Variants in SLC22A25 observed in about 807,000 individuals in gnomAD.
SLC22A25 encodes the protein MGI:2442751, MGI:2385316, MGI:3042283, MGI:3645714, MGI:3605624, MGI:2442750.
Under a neutral mutation model 45.9 loss-of-function variants are expected in SLC22A25, and 44 were observed. That is an observed-to-expected ratio of 0.96 (90% CI 0.75 to 1.23). SLC22A25 has a LOEUF of 1.23. Ranked by LOEUF, SLC22A25 falls within the 50% of genes most tolerant of loss-of-function variation. The pLI is 0.00. For missense variants in SLC22A25, 800 were observed against 666.4 expected (o/e 1.20, Z -2.21); for synonymous variants, 283 against 238.6 (o/e 1.19, Z -1.72).
intron 1 of SLC22A25, among the ~76,000 whole-genome samples, chr11:63,240,827 AG>A (rs2134866475): frequency 6.6e-6 from 1 of 152,314 alleles, no homozygotes; most frequent in Non-Finnish European, 1.5e-5. Flanking sequence ...TGTGAGAGCA[AG>A]GCCTGTCTGT....
At chr11:63,175,840 C>T (rs554588045) in intron 9 of SLC22A25, among the ~76,000 whole-genome samples, 2,519 of 151,148 alleles carry the variant, frequency 0.017, 68 homozygotes, top group African/African-American at 0.046. Flanking sequence ...TATATATATA[C>T]ACATTTTAAT....
At chr11:63,191,948 C>T (rs1443578049) in intron 7 of SLC22A25, among the ~76,000 whole-genome samples, 8 of 151,438 alleles carry the variant, frequency 5.3e-5, no homozygotes, top group African/African-American at 2.0e-4. Context: ...GAGAGGCAAA[C>T]ATTCAAATTC....
intron 9 of SLC22A25, 51 bp downstream of exon 9, chr11:63,180,609 G>C (rs2088282046): frequency 3.9e-6 from 5 of 1,274,836 alleles, no homozygotes; most frequent in Non-Finnish European, 4.4e-6. Context: ...ATAAGAAATG[G>C]ATTTATGTCT....
chr11:63,199,681 C>T (rs899187878), intron 7 of SLC22A25, among the ~76,000 whole-genome samples: 3 of 151,810 alleles, frequency 2.0e-5, no homozygotes, highest in Non-Finnish European at 2.9e-5. Flanking sequence ...GGTCATAAGT[C>T]AAATATGTAA....
intron 7 of SLC22A25, among the ~76,000 whole-genome samples, chr11:63,199,192 TAAAC>T (rs1206995688): frequency 6.6e-6 from 1 of 151,784 alleles, no homozygotes; most frequent in Non-Finnish European, 1.5e-5. Context: ...AAGACTCAAA[TAAAC>T]AAAATCAGAA....
Position 63,229,467 on chromosome 11 carries a change from A to C in SLC22A25, c.186T>G (p.Asn62Lys). Residue 62 changes from asparagine to lysine, a missense_variant, in exon 4 of 12, where the codon AAT becomes AAG. Coordinates refer to ENST00000306494, the MANE Select transcript of SLC22A25 (RefSeq NM_199352.6). ...HILDNDTIPDNDPGTLSQDAL... is the reference protein window; with the variant it reads ...HILDNDTIPDKDPGTLSQDAL... ...CATCCTGGCTGAGGGTCCCAGGGTC[A>C]TTGTCAGGGATAGTGTCATTGTCCA... The C allele has an allele frequency of 1.9e-6, 3 of 1,614,130 alleles. No individual in the cohort carries two copies.
chr11:63,236,635 GCTGCACCCACTGTC>G (rs558719722), intron 3 of SLC22A25, among the ~76,000 whole-genome samples: 146 of 152,156 alleles, frequency 9.6e-4, no homozygotes, highest in South Asian at 7.3e-3. Flanking sequence ...TGCACGGTGT[GCTGCACCCACTGTC>G]CTGCACCCAC....
chr11:63,217,972 T>G (rs2089761183), intron 5 of SLC22A25: 1 of 633,806 alleles, frequency 1.6e-6, no homozygotes, highest in African/African-American at 1.8e-5. Flanking sequence ...AGTAGATCAT[T>G]GATACAAATT....
intron 7 of SLC22A25, among the ~76,000 whole-genome samples, chr11:63,195,660 C>T (rs1240961311): frequency 1.3e-5 from 2 of 151,990 alleles, no homozygotes; most frequent in African/African-American, 4.8e-5. Flanking sequence ...CAGGAAAGAT[C>T]CAAAATTGAC....
At chr11:63,210,521 G>C (rs192400786) in intron 7 of SLC22A25, among the ~76,000 whole-genome samples, 11 of 152,216 alleles carry the variant, frequency 7.2e-5, no homozygotes, top group Admixed American at 7.2e-4. Context: ...TGGAGATGAT[G>C]GTCAATTGTC....
chr11:63,232,393 C>A (rs984126797), intron 3 of SLC22A25, among the ~76,000 whole-genome samples: 5 of 152,158 alleles, frequency 3.3e-5, no homozygotes, highest in Admixed American at 6.5e-5. Flanking sequence ...CTCTTTGAAG[C>A]AATTGTGAAT....
intron 7 of SLC22A25, among the ~76,000 whole-genome samples, chr11:63,189,256 T>C (rs2088695711): frequency 6.6e-6 from 1 of 152,226 alleles, no homozygotes; most frequent in African/African-American, 2.4e-5. Context: ...ATATTTAGGA[T>C]AGTTAGCTCT....
At chr11:63,193,352 C>T (rs1012023397) in intron 7 of SLC22A25, among the ~76,000 whole-genome samples, 8 of 152,208 alleles carry the variant, frequency 5.3e-5, no homozygotes, top group Admixed American at 3.9e-4. Flanking sequence ...GGTCCCTGAA[C>T]CCCGAGTAGC....
At chr11:63,221,046 T>A (rs77619676) in intron 5 of SLC22A25, among the ~76,000 whole-genome samples, 3,706 of 152,302 alleles carry the variant, frequency 0.024, 154 homozygotes, top group African/African-American at 0.085. Flanking sequence ...TTAGGTTGCT[T>A]CCAAATCTTG....
intron 3 of SLC22A25, among the ~76,000 whole-genome samples, 57 bp from the exon 4 acceptor site, chr11:63,230,153 G>A (rs1423687406): frequency 6.6e-6 from 1 of 152,098 alleles, no homozygotes; most frequent in Non-Finnish European, 1.5e-5. Context: ...TTTTGATTAA[G>A]GATTAATAAA....
intron 9 of SLC22A25, among the ~76,000 whole-genome samples, chr11:63,170,998 G>C (rs1030567392): frequency 6.6e-6 from 1 of 152,152 alleles, no homozygotes; most frequent in East Asian, 1.9e-4. Flanking sequence ...GGGATGCAAG[G>C]CTGGTCCAAC....
chr11:63,203,834 G>T lies in SLC22A25; in HGVS notation c.830+13480C>A, dbSNP rs565135500. On this transcript the variant is annotated intron_variant, in intron 7 of 11. Coordinates refer to ENST00000306494, the MANE Select transcript of SLC22A25 (RefSeq NM_199352.6). ...ACCACAAAGATACTCCTCGAGAAGA[G>T]CAACCCCAAGACAGATAAGCATCAG... Among the ~76,000 whole-genome samples, 6 of 152,172 alleles carry T rather than the reference G, an allele frequency of 3.9e-5. No individual in the cohort carries two copies. The South Asian group carries it at 1.2e-3, about 32-fold the overall frequency.
rs1427395088 is a variant in SLC22A25 at position 63,224,673 on chromosome 11, TA to T, written c.506+3787del. On this transcript the variant is annotated intron_variant, in intron 5 of 11. Transcript: ENST00000306494. ...TAACTCATTATTTTAAACTGATAGT[TA>T]ATAGAGATTGCATAAACATGAAAAA... is the stretch of plus-strand genomic sequence containing the variant. 2.0e-5 allele frequency among the ~76,000 whole-genome samples: 3 copies of T among 152,230 alleles called. No homozygotes were observed. The East Asian group carries it at 5.8e-4, about 29-fold the overall frequency.
intron 7 of SLC22A25, among the ~76,000 whole-genome samples, chr11:63,204,981 C>A (rs987521128): frequency 2.6e-5 from 4 of 152,156 alleles, no homozygotes; most frequent in African/African-American, 7.2e-5. Context: ...ACAGTGCAAT[C>A]AAATTAGAAC....
Sources: allele counts gnomAD v4.1 joint callset (sites outside exome capture counted in the v4.1 genomes callset), GRCh38; gene constraint gnomAD v4.1.1; transcripts MANE v1.5; gene names NCBI Gene and HGNC (gene_info 2026-07-23, HGNC 2026-07-21).